The following MAPK14 variants were observed in gnomAD, a reference collection of about 807,000 sequenced individuals.
MAPK14 encodes mitogen-activated protein kinase 14.
MAPK14 carries 16 observed loss-of-function variants against 49.6 expected under a neutral mutation model. The ratio of observed to expected loss-of-function variants is 0.32; its 90% confidence interval spans 0.22 to 0.49. The LOEUF (loss-of-function observed/expected upper bound fraction) is 0.49, where lower values mean the gene tolerates loss of function less well. MAPK14 is among the 20% of genes least tolerant of loss of function. The probability of loss-of-function intolerance (pLI) is 0.99; values close to 1 mark genes in which losing one functional copy is unlikely to be tolerated. For missense variants in MAPK14, 200 were observed against 441.2 expected (o/e 0.45, Z 4.90); for synonymous variants, 142 against 158.0 (o/e 0.90, Z 0.76).
chr6:36,079,986 C>T (rs1298268202), intron 8 of MAPK14, among the ~76,000 whole-genome samples: 1 of 151,834 alleles, frequency 6.6e-6, no homozygotes, highest in African/African-American at 2.4e-5. Context: ...CTTTGTTGCC[C>T]ACGCTGGAGT....
At chr6:36,078,587 C>T (rs1764622658) in intron 8 of MAPK14, among the ~76,000 whole-genome samples, 1 of 152,126 alleles carries the variant, frequency 6.6e-6, no homozygotes, top group Admixed American at 6.5e-5. Context: ...AGGTCTTTTT[C>T]TTCTGTGAGC....
chr6:36,052,417 TCTTA>T (rs1290771693), intron 1 of MAPK14, among the ~76,000 whole-genome samples: 1 of 152,178 alleles, frequency 6.6e-6, no homozygotes, highest in Admixed American at 6.5e-5. Context: ...GTGACAGAGG[TCTTA>T]CTTACAAAGT....
At chr6:36,090,393 G>C (rs1438719335) in intron 8 of MAPK14, among the ~76,000 whole-genome samples, 1 of 148,738 alleles carries the variant, frequency 6.7e-6, no homozygotes. Context: ...GCGCAATCTC[G>C]GCTCACTGCA....
At chr6:36,090,246 A>G (rs1765165287) in intron 8 of MAPK14, among the ~76,000 whole-genome samples, 1 of 152,180 alleles carries the variant, frequency 6.6e-6, no homozygotes, top group Admixed American at 6.5e-5. Context: ...GTGAGTTAAA[A>G]CACTGGCAAT....
At chr6:36,064,718 A>T (rs1763975644) in intron 3 of MAPK14, among the ~76,000 whole-genome samples, 1 of 152,234 alleles carries the variant, frequency 6.6e-6, no homozygotes, top group African/African-American at 2.4e-5. Flanking sequence ...TTTTAACCTG[A>T]TGTTGTTCAA....
At chr6:36,105,408 A>G (rs1765769864) in intron 10 of MAPK14, among the ~76,000 whole-genome samples, 1 of 132,264 alleles carries the variant, frequency 7.6e-6, no homozygotes, top group African/African-American at 2.5e-5. Flanking sequence ...ATGCCCAGCT[A>G]ATAAGATCTT....
chr6:36,095,391 G>T, intron 8 of MAPK14, among the ~76,000 whole-genome samples: 1 of 152,336 alleles, frequency 6.6e-6, no homozygotes. Context: ...GCCTGCTATA[G>T]CCAGTGTGAG....
chr6:36,053,390 A>G (rs1420538381), intron 2 of MAPK14, among the ~76,000 whole-genome samples: 1 of 151,776 alleles, frequency 6.6e-6, no homozygotes, highest in African/African-American at 2.4e-5. Context: ...TAAATATGTC[A>G]GAGGCATTGT....
intron 9 of MAPK14, 65 bp from the exon 10 acceptor site, chr6:36,102,506 G>T: frequency 8.0e-7 from 1 of 1,242,602 alleles, no homozygotes; most frequent in Non-Finnish European, 1.2e-6. Flanking sequence ...GCAGGACCAA[G>T]ATTCTTTCTT....
chr6:36,051,589 T>A (rs1428703952), intron 1 of MAPK14, among the ~76,000 whole-genome samples: 2 of 152,070 alleles, frequency 1.3e-5, no homozygotes, highest in Admixed American at 1.3e-4. Context: ...GTTTCCTACC[T>A]CTGTTTCTTT....
intron 8 of MAPK14, chr6:36,092,405 C>G (rs1765270864): frequency 4.4e-6 from 3 of 682,652 alleles, no homozygotes; most frequent in South Asian, 2.7e-5. Flanking sequence ...GTGGTCAGGA[C>G]TGTTTCACCA....
intron 9 of MAPK14, among the ~76,000 whole-genome samples, chr6:36,101,137 T>C (rs544646844): frequency 6.6e-6 from 1 of 152,252 alleles, no homozygotes; most frequent in South Asian, 2.1e-4. Context: ...TGACTCCACA[T>C]GCAATAATTA....
intron 8 of MAPK14, among the ~76,000 whole-genome samples, chr6:36,088,611 A>G (rs1765087443): frequency 6.6e-6 from 1 of 151,890 alleles, no homozygotes. Context: ...AGTCCCAGCT[A>G]CTCAGGAGGC....
chr6:36,076,881 A>T, intron 8 of MAPK14: 1 of 280,752 alleles, frequency 3.6e-6, no homozygotes. Flanking sequence ...ATCATCCCAC[A>T]GCAGTTCTGA....
the MAPK14 span, among the ~76,000 whole-genome samples, chr6:36,122,888 C>T: frequency 6.6e-6 from 1 of 152,164 alleles, no homozygotes; most frequent in African/African-American, 2.4e-5. Context: ...TCTCCCAGAA[C>T]TCAGCTACCT....
intron 2 of MAPK14, among the ~76,000 whole-genome samples, chr6:36,056,209 T>C (rs988505635): frequency 1.3e-5 from 2 of 152,214 alleles, no homozygotes. Flanking sequence ...CTTAGGTATA[T>C]TGTATTTTGT....
At chr6:36,070,399 C>T (rs1764222877) in intron 3 of MAPK14, among the ~76,000 whole-genome samples, 2 of 152,098 alleles carry the variant, frequency 1.3e-5, no homozygotes, top group South Asian at 2.1e-4. Context: ...ATTTCCTTGT[C>T]AATGAAATGG....
intron 3 of MAPK14, among the ~76,000 whole-genome samples, chr6:36,068,674 C>T (rs1054087938): frequency 6.6e-6 from 1 of 151,998 alleles, no homozygotes; most frequent in Non-Finnish European, 1.5e-5. Flanking sequence ...AGAGTTTTTT[C>T]TACATAGGTT....
the MAPK14 span, among the ~76,000 whole-genome samples, chr6:36,124,137 TCCCTC>T: frequency 2.6e-5 from 1 of 37,934 alleles, no homozygotes; most frequent in East Asian, 8.1e-4. Flanking sequence ...CCTCCCTCCC[TCCCTC>T]CCTCCCTCCC....
Sources: gnomAD v4.1 joint callset for allele counts (sites outside exome capture counted in the v4.1 genomes callset) on GRCh38, gnomAD v4.1.1 for gene constraint, MANE v1.5 for transcripts, NCBI Gene and HGNC (gene_info 2026-07-23, HGNC 2026-07-21) for gene names.